VPS26A: variants seen among roughly 807,000 people sequenced by gnomAD.
VPS26A encodes VPS26 retromer complex component A.
VPS26A carries 22 observed loss-of-function variants against 42.4 expected under a neutral mutation model. That is an observed-to-expected ratio of 0.52 (90% confidence interval 0.37 to 0.74). The LOEUF (loss-of-function observed/expected upper bound fraction) is 0.74, where lower values mean the gene tolerates loss of function less well. Among genes scored for constraint, VPS26A ranks in the 30% least tolerant of loss-of-function variants. The pLI is 0.00. For missense variants in VPS26A, 276 were observed against 379.2 expected (o/e 0.73, Z 2.26); for synonymous variants, 110 against 123.5 (o/e 0.89, Z 0.73).
chr10:69,139,177 C>T (rs1490584514), intron 2 of VPS26A, among the ~76,000 whole-genome samples: 1 of 152,182 alleles, frequency 6.6e-6, no homozygotes, highest in Non-Finnish European at 1.5e-5. Flanking sequence ...TCAGGAAATG[C>T]TCATGGGAAC....
Position 69,157,143 on chromosome 10 carries a change from C to G in VPS26A, c.366C>G (p.Ile122Met). The change falls in exon 4 of 9, where the codon ATC becomes ATG. Residue 122 changes from isoleucine (I) to methionine (M), a missense_variant. Coordinates refer to ENST00000263559, the MANE Select transcript of VPS26A (RefSeq NM_004896.5). The part of the protein sequence containing the change: ...MQVEKPYESY[I>M]GANVRLRYFL... Reference sequence around the variant, plus strand: ...TTGAAAAGCCATATGAATCTTACATCGGTGCCAATGTCCGCTTGAGGTATG... The same window carrying G: ...TTGAAAAGCCATATGAATCTTACATGGGTGCCAATGTCCGCTTGAGGTATG... The G allele has an allele frequency of 6.2e-7, 1 of 1,612,548 alleles. No individual in the cohort carries two copies. The highest frequency in any genetic ancestry group is 8.5e-7 in the Non-Finnish European group (1 of 1,179,364).
intron 2 of VPS26A, among the ~76,000 whole-genome samples, chr10:69,151,282 A>ACAAAAAACAAAAAACACAC (rs1554854470): frequency 1.5e-5 from 2 of 136,776 alleles, no homozygotes; most frequent in African/African-American, 6.6e-5. Context: ...AAAAAAAAAA[A>ACAAAAAACAAAAAACACAC]ACACACACAC....
intron 2 of VPS26A, among the ~76,000 whole-genome samples, chr10:69,147,388 T>G (rs1481737251): frequency 6.6e-6 from 1 of 152,188 alleles, no homozygotes; most frequent in Non-Finnish European, 1.5e-5. Context: ...TCTTTTGCAG[T>G]GCAAAAGTTT....
At chr10:69,155,303 A>G (rs7070168) in intron 2 of VPS26A, among the ~76,000 whole-genome samples, 6,348 of 152,278 alleles carry the variant, frequency 0.042, 463 homozygotes, top group African/African-American at 0.14. Flanking sequence ...TGATACCTCA[A>G]TTACAATAAG....
At chr10:69,158,394 T>G (rs766859634) in intron 5 of VPS26A, among the ~76,000 whole-genome samples, 183 bp downstream of exon 5, 1 of 152,164 alleles carries the variant, frequency 6.6e-6, no homozygotes, top group Non-Finnish European at 1.5e-5. Context: ...AAGGTGTCTT[T>G]TATGTTCTAT....
At chr10:69,140,154 A>T (rs1300975208) in intron 2 of VPS26A, among the ~76,000 whole-genome samples, 4 of 151,356 alleles carry the variant, frequency 2.6e-5, no homozygotes, top group African/African-American at 9.7e-5. Flanking sequence ...TGCAGCCTTG[A>T]CCTCCAAGGC....
At chr10:69,166,348 CTATT>C (rs1370326760) in intron 7 of VPS26A, among the ~76,000 whole-genome samples, 3 of 152,134 alleles carry the variant, frequency 2.0e-5, no homozygotes, top group Non-Finnish European at 2.9e-5. Flanking sequence ...TTATATGTAT[CTATT>C]CTCTAGTTTT....
intron 2 of VPS26A, among the ~76,000 whole-genome samples, chr10:69,154,785 A>AC (rs1374840336): frequency 2.6e-5 from 4 of 152,062 alleles, no homozygotes; most frequent in Non-Finnish European, 5.9e-5. Context: ...GGATCACTTA[A>AC]CCCTAGGGGT....
At chr10:69,134,691 C>G (rs1276356089) in intron 2 of VPS26A, among the ~76,000 whole-genome samples, 1 of 148,356 alleles carries the variant, frequency 6.7e-6, no homozygotes, top group South Asian at 2.1e-4. Context: ...ACTGCATTGT[C>G]TCTTCTGGTC....
At chr10:69,131,429 A>T (rs1015565390) in intron 1 of VPS26A, among the ~76,000 whole-genome samples, 3 of 151,854 alleles carry the variant, frequency 2.0e-5, no homozygotes, top group Middle Eastern at 6.8e-3. Context: ...CTCTACAAAA[A>T]TTTTTTTAAA....
intron 1 of VPS26A, among the ~76,000 whole-genome samples, chr10:69,131,777 G>A (rs960397898): frequency 1.3e-5 from 2 of 152,152 alleles, no homozygotes; most frequent in Non-Finnish European, 2.9e-5. Flanking sequence ...GAATATGAAG[G>A]GATGTAGGAT....
intron 1 of VPS26A, among the ~76,000 whole-genome samples, chr10:69,132,431 G>GTTTTTTTTTTTTTT (rs3086557): frequency 5.0e-5 from 7 of 141,314 alleles, no homozygotes; most frequent in Non-Finnish European, 4.5e-5. Flanking sequence ...TTTTGATGTA[G>GTTTTTTTTTTTTTT]TTTTTTTTTT....
In VPS26A at chr10:69,171,313, C is replaced by G; in HGVS notation, c.*44C>G. Reference sequence around the variant, plus strand: ...AGAAAAGCAAAAAACTCCTGTAACCCTTGAGATTAAGTTCAGCAGGTTAAA... The same window carrying G: ...AGAAAAGCAAAAAACTCCTGTAACCGTTGAGATTAAGTTCAGCAGGTTAAA... On this transcript the variant is annotated 3_prime_UTR_variant, in exon 9 of 9. Coordinates refer to ENST00000263559, the MANE Select transcript of VPS26A (RefSeq NM_004896.5). The G allele has an allele frequency of 5.1e-6, 8 of 1,562,656 alleles. No individual in the cohort carries two copies. Among genetic ancestry groups the G allele is most frequent in the South Asian group, 1.2e-5 (1 of 84,634 alleles).
intron 2 of VPS26A, among the ~76,000 whole-genome samples, chr10:69,140,086 GAGATA>G (rs1841007816): frequency 7.4e-6 from 1 of 135,628 alleles, no homozygotes. Flanking sequence ...TTTTTTTTTT[GAGATA>G]AGATCTTGCT....
At position 69,155,216 on chromosome 10, in the gene VPS26A, G is replaced by A. The variant is rs1324858768; in HGVS notation, c.154-596G>A. On this transcript the variant is annotated intron_variant, in intron 2 of 8. Coordinates refer to ENST00000263559, the MANE Select transcript of VPS26A (RefSeq NM_004896.5). ...TTTAGGCATTCTGTTTTTATGGTGGGTAGCAGACTTAGGACAAAAGGCACT... is the reference window on the plus strand; with the variant it reads ...TTTAGGCATTCTGTTTTTATGGTGGATAGCAGACTTAGGACAAAAGGCACT... Among the ~76,000 whole-genome samples the A allele has an allele frequency of 2.6e-5, 4 of 152,142 alleles. No individual in the cohort carries two copies. The East Asian group carries it at 7.7e-4, about 29-fold the overall frequency.
intron 2 of VPS26A, among the ~76,000 whole-genome samples, chr10:69,135,369 G>A (rs546075732): frequency 6.6e-6 from 1 of 152,146 alleles, no homozygotes; most frequent in African/African-American, 2.4e-5. Flanking sequence ...GATGTTTATG[G>A]GATAAAGGAA....
rs756143729 is a variant in VPS26A at position 69,158,115 on chromosome 10, A to G, written c.455A>G (p.His152Arg). The G allele has an allele frequency of 6.2e-7, 1 of 1,613,560 alleles. No homozygotes were observed. Among genetic ancestry groups the G allele is most frequent in the East Asian group, 2.2e-5 (1 of 44,810 alleles). Residue 152 changes from histidine (H) to arginine (R), a missense_variant, in exon 5 of 9, where the codon CAC becomes CGC. His to Arg is a conservative substitution (Grantham distance 29). Transcript: ENST00000263559. ...DLVKEYDLIV[H>R]QLATYPDVNN... ...GTAAAAGAGTATGATCTTATTGTTC[A>G]CCAGCTTGCCACCTATCCTGATGTT...
chr10:69,133,545 G>A (rs1031141559), intron 2 of VPS26A: 1 of 1,288,452 alleles, frequency 7.8e-7, no homozygotes, highest in East Asian at 5.5e-5. Flanking sequence ...CTCTGTAGAG[G>A]ACTTGAGTAC....
chr10:69,146,778 T>C (rs1841169585), intron 2 of VPS26A, among the ~76,000 whole-genome samples: 2 of 152,224 alleles, frequency 1.3e-5, no homozygotes, highest in Admixed American at 1.3e-4. Flanking sequence ...TGCCAGATAA[T>C]ATTCTAATAT....
Sources: gnomAD v4.1 joint callset for allele counts (sites outside exome capture counted in the v4.1 genomes callset) on GRCh38, gnomAD v4.1.1 for gene constraint, MANE v1.5 for transcripts, NCBI Gene and HGNC (gene_info 2026-07-23, HGNC 2026-07-21) for gene names.